Variants in CSF2RA observed in about 807,000 individuals in gnomAD.
CSF2RA encodes granulocyte-macrophage colony-stimulating factor receptor subunit alpha.
Under a neutral mutation model 51.6 loss-of-function variants are expected in CSF2RA, and 42 were observed. The observed-to-expected ratio is 0.81, with a 90% confidence interval of 0.64 to 1.05. The LOEUF is 1.05. CSF2RA is among the 50% of genes least tolerant of loss of function. The probability of loss-of-function intolerance (pLI) is 0.00; values close to 1 mark genes in which losing one functional copy is unlikely to be tolerated. For synonymous variants in CSF2RA, 222 were observed against 193.0 expected (o/e 1.15, Z -1.24); for missense variants, 530 against 501.1 (o/e 1.06, Z -0.55).
At chrX:1,299,459 C>G (rs1180637236) in intron 9 of CSF2RA, among the ~76,000 whole-genome samples, 2 of 152,114 alleles carry the variant, frequency 1.3e-5, no homozygotes, top group Non-Finnish European at 2.9e-5. Flanking sequence ...GAGTCTCGCT[C>G]TGTCCCCCAG....
At chrX:1,293,427 G>C (rs1430194014) in intron 7 of CSF2RA, among the ~76,000 whole-genome samples, 2 of 152,130 alleles carry the variant, frequency 1.3e-5, no homozygotes, top group Non-Finnish European at 2.9e-5. Flanking sequence ...CACCGTGTTA[G>C]CCAGGATGGT....
chrX:1,315,368 G>C (rs2084532557), downstream of CSF2RA, among the ~76,000 whole-genome samples: 2 of 152,130 alleles, frequency 1.3e-5, no homozygotes, highest in African/African-American at 4.8e-5. Context: ...TTGACTGATA[G>C]ATATTTGATA....
the CSF2RA span, among the ~76,000 whole-genome samples, chrX:1,324,311 T>G: frequency 7.6e-6 from 1 of 131,762 alleles, no homozygotes; most frequent in Non-Finnish European, 1.5e-5. Context: ...CTGGGCCACA[T>G]AGCAAGATCC....
At chrX:1,310,481 A>G (rs1430783431), downstream of CSF2RA, 1 of 151,840 alleles carries the variant, frequency 6.6e-6, no homozygotes, top group Non-Finnish European at 1.5e-5. Context: ...ATCCTGGCTA[A>G]CATAGTGAAA....
At position 1,307,556 on chromosome X, in the gene CSF2RA, G is replaced by A. The variant is rs777179710; in HGVS notation, c.1126-1846G>A. On this transcript the variant is annotated intron_variant, in intron 12 of 12. Transcript: ENST00000381529. ...TAGATGAAGCCCACGCTTCTCCTTTGGACCTTCAACTGATTAGATGAGGCC... is the reference window on the plus strand; with the variant it reads ...TAGATGAAGCCCACGCTTCTCCTTTAGACCTTCAACTGATTAGATGAGGCC... 5.4e-3 allele frequency among the ~76,000 whole-genome samples: 531 copies of A among 98,674 alleles called. 1 individual carries two copies. The highest frequency in any genetic ancestry group is 0.011 in the South Asian group (37 of 3,278). The allele number at this position is 98,674 out of a possible 152,430, so 64.7% of individuals were successfully genotyped here. A position where few individuals can be genotyped will look rare whatever the true frequency, so the allele number is the denominator to read the frequency against.
At chrX:1,283,600 T>C (rs1193150104) in intron 3 of CSF2RA, among the ~76,000 whole-genome samples, 1 of 151,186 alleles carries the variant, frequency 6.6e-6, no homozygotes, top group African/African-American at 2.4e-5. Context: ...AGAGTCTCCC[T>C]CTTGTTGCCC....
At position 1,285,847 on chromosome X, in the gene CSF2RA, G is replaced by C; in HGVS notation, c.146G>C (p.Trp49Ser). 1 of 1,613,784 alleles carries C rather than the reference G, an allele frequency of 6.2e-7. No homozygotes were observed. Among genetic ancestry groups the C allele is most frequent in the African/African-American group, 1.3e-5 (1 of 74,982 alleles). ...GACTCCAGGACGATGAATTTAAGCT[G>C]GGACTGCCAAGAAAACACAACCTTC... ...RFDSRTMNLS[W>S]DCQENTTFSK... Residue 49 changes from tryptophan to serine, a missense_variant, in exon 4 of 13, where the codon TGG becomes TCG. Trp to Ser is a radical substitution (Grantham distance 177). Coordinates refer to ENST00000381529, the MANE Select transcript of CSF2RA (RefSeq NM_172245.4).
the CSF2RA span, among the ~76,000 whole-genome samples, chrX:1,319,735 G>A: frequency 8.5e-6 from 1 of 117,808 alleles, no homozygotes; most frequent in South Asian, 3.0e-4. Flanking sequence ...TTTTTTTTTA[G>A]ACAGAGTCTC....
At chrX:1,303,882 T>A (rs1218970703) in intron 10 of CSF2RA, 41 bp from the exon 11 acceptor site, 3 of 1,503,030 alleles carry the variant, frequency 2.0e-6, no homozygotes, top group Admixed American at 3.3e-5. Flanking sequence ...CACATGTCCG[T>A]CAACGATTCA....
At chrX:1,288,493 G>T (rs772012609) in intron 4 of CSF2RA, 26 bp from the exon 5 acceptor site, 1 of 1,613,688 alleles carries the variant, frequency 6.2e-7, no homozygotes, top group African/African-American at 1.3e-5. Flanking sequence ...TTTCCTAATC[G>T]GCTCTGTCTG....
intron 12 of CSF2RA, among the ~76,000 whole-genome samples, chrX:1,306,648 A>G (rs1258381931): frequency 6.6e-6 from 1 of 151,988 alleles, no homozygotes; most frequent in Non-Finnish European, 1.5e-5. Flanking sequence ...CTCTCTATCA[A>G]AAACAAAACA....
chrX:1,300,715 T>A, intron 10 of CSF2RA, 89 bp downstream of exon 10: 1 of 1,559,334 alleles, frequency 6.4e-7, no homozygotes. Context: ...TCCTGGGCGC[T>A]GAGATCGAGT....
At chrX:1,283,107 GTTCCTTCGTTCCTTCGTTCC>G (rs1368575830) in intron 3 of CSF2RA, among the ~76,000 whole-genome samples, 7 of 139,658 alleles carry the variant, frequency 5.0e-5, no homozygotes, top group South Asian at 2.3e-4. Flanking sequence ...TCCTTCCTTC[GTTCCTTCGTTCCTTCGTTCC>G]TTCCTTCCTT....
intron 11 of CSF2RA, among the ~76,000 whole-genome samples, chrX:1,304,511 T>C (rs2083349426): frequency 6.6e-6 from 1 of 151,428 alleles, no homozygotes; most frequent in African/African-American, 2.4e-5. Flanking sequence ...GGGATGGGAA[T>C]GGAACAGGCA....
At chrX:1,273,609 G>A (rs1251203094) in intron 1 of CSF2RA, among the ~76,000 whole-genome samples, 2 of 151,614 alleles carry the variant, frequency 1.3e-5, no homozygotes, top group African/African-American at 4.9e-5. Context: ...GATTATAGGC[G>A]TGAACCACTG....
chrX:1,316,269 G>GATAC, the CSF2RA span, among the ~76,000 whole-genome samples: 2 of 136,152 alleles, frequency 1.5e-5, no homozygotes, highest in African/African-American at 6.4e-5. Context: ...ATGATAGATA[G>GATAC]ATAGATAGAT....
downstream of CSF2RA, among the ~76,000 whole-genome samples, chrX:1,313,554 AC>A (rs764965041): frequency 9.6e-5 from 5 of 52,116 alleles, no homozygotes; most frequent in African/African-American, 1.6e-4. Context: ...TACTAAAAAT[AC>A]AAAAAAAAAA....
the CSF2RA span, among the ~76,000 whole-genome samples, chrX:1,317,298 C>G: frequency 1.4e-3 from 157 of 108,768 alleles, 2 homozygotes; most frequent in African/African-American, 5.6e-3. Flanking sequence ...GTCGCCCAGG[C>G]TGGAGTGCAG....
chrX:1,323,933 G>A, the CSF2RA span, among the ~76,000 whole-genome samples: 1 of 151,804 alleles, frequency 6.6e-6, no homozygotes, highest in Non-Finnish European at 1.5e-5. Context: ...AGAATGGCGT[G>A]AACCCGGGAG....
Sources: gnomAD v4.1 joint callset for allele counts (sites outside exome capture counted in the v4.1 genomes callset) on GRCh38, gnomAD v4.1.1 for gene constraint, MANE v1.5 for transcripts, NCBI Gene and HGNC (gene_info 2026-07-23, HGNC 2026-07-21) for gene names.